Variants in OPCML observed in about 807,000 individuals in gnomAD.
OPCML encodes the protein opioid-binding protein/cell adhesion molecule.
Under a neutral mutation model 37.8 loss-of-function variants are expected in OPCML, and 13 were observed. The observed-to-expected ratio is 0.34, with a 90% CI of 0.22 to 0.55. OPCML has a LOEUF of 0.55. OPCML is among the 20% of genes least tolerant of loss of function. The pLI, the probability that OPCML is intolerant of heterozygous loss-of-function variation, is 0.91. For missense variants in OPCML, 341 were observed against 435.6 expected, an observed-to-expected ratio of 0.78 and a Z score of 1.93; for synonymous variants, 176 against 168.8, an observed-to-expected ratio of 1.04 and a Z score of -0.33.
intron 1 of OPCML, among the ~76,000 whole-genome samples, chr11:132,990,049 G>C (rs1378595825): frequency 6.6e-6 from 1 of 152,220 alleles, no homozygotes; most frequent in Non-Finnish European, 1.5e-5. Flanking sequence ...AGGCAGAGGA[G>C]CATGCCACCC....
intron 1 of OPCML, chr11:133,422,101 A>C: frequency 1.0e-6 from 1 of 977,378 alleles, no homozygotes; most frequent in Non-Finnish European, 1.2e-6. Flanking sequence ...GTTTCTCCTA[A>C]TGCTATCCCT....
At chr11:133,423,316 C>T (rs1945931857) in intron 1 of OPCML, 3 of 985,212 alleles carry the variant, frequency 3.0e-6, no homozygotes, top group Non-Finnish European at 3.6e-6. Flanking sequence ...GAGGGATTTC[C>T]ACCTGACAAT....
chr11:133,227,715 G>A (rs1940096800), intron 1 of OPCML, among the ~76,000 whole-genome samples: 1 of 152,158 alleles, frequency 6.6e-6, no homozygotes, highest in African/African-American at 2.4e-5. Context: ...TGGCCCTCCA[G>A]GGTGAAGGGC....
At chr11:132,446,224 T>C (rs946282860) in intron 4 of OPCML, among the ~76,000 whole-genome samples, 1 of 147,588 alleles carries the variant, frequency 6.8e-6, no homozygotes, top group Non-Finnish European at 1.5e-5. Context: ...TCTGAGTGAG[T>C]GTCACAGAAA....
At chr11:132,493,202 G>A (rs2096221444) in intron 4 of OPCML, among the ~76,000 whole-genome samples, 1 of 152,204 alleles carries the variant, frequency 6.6e-6, no homozygotes, top group Non-Finnish European at 1.5e-5. Flanking sequence ...CACTTTTGCT[G>A]TAGAACTACG....
chr11:132,587,029 C>T (rs2096474274), intron 3 of OPCML, among the ~76,000 whole-genome samples: 1 of 152,152 alleles, frequency 6.6e-6, no homozygotes, highest in African/African-American at 2.4e-5. Context: ...AAGTTGGCAG[C>T]CTTTGTTGAC....
chr11:133,026,243 C>T (rs188910086), intron 1 of OPCML: 57 of 635,510 alleles, frequency 9.0e-5, no homozygotes, highest in East Asian at 2.8e-4. Flanking sequence ...TACAGAGTTC[C>T]GCCTCTTTGC....
At chr11:133,525,026 G>A (rs60130874) in intron 1 of OPCML, among the ~76,000 whole-genome samples, 2,600 of 152,308 alleles carry the variant, frequency 0.017, 80 homozygotes, top group African/African-American at 0.059. Context: ...TAGGCACTGA[G>A]AACATATTGG....
chr11:133,099,442 CTTTTT>C (rs35161811), intron 1 of OPCML, among the ~76,000 whole-genome samples: 1 of 119,484 alleles, frequency 8.4e-6, no homozygotes, highest in Non-Finnish European at 1.7e-5. Context: ...TTCTTTTTTT[CTTTTT>C]TTTTTTTTTT....
chr11:132,903,797 C>A (rs1459987058), intron 2 of OPCML, among the ~76,000 whole-genome samples: 2 of 152,190 alleles, frequency 1.3e-5, no homozygotes, highest in East Asian at 3.9e-4. Flanking sequence ...CCTTTCCCCT[C>A]ACTGCTATTC....
At chr11:133,217,455 C>A (rs942533054) in intron 1 of OPCML, among the ~76,000 whole-genome samples, 2 of 152,190 alleles carry the variant, frequency 1.3e-5, no homozygotes, top group African/African-American at 4.8e-5. Context: ...CACAGTGGGG[C>A]ACCCACGGTG....
At chr11:132,857,836 C>T (rs944883492) in intron 2 of OPCML, among the ~76,000 whole-genome samples, 1 of 151,966 alleles carries the variant, frequency 6.6e-6, no homozygotes, top group Non-Finnish European at 1.5e-5. Flanking sequence ...GCTGCATATC[C>T]CTCATGAACA....
chr11:133,396,369 C>G (rs1565612201), intron 1 of OPCML, among the ~76,000 whole-genome samples: 1 of 151,828 alleles, frequency 6.6e-6, no homozygotes, highest in African/African-American at 2.4e-5. Flanking sequence ...ATTTGAATGC[C>G]CTTTATTTTT....
intron 1 of OPCML, among the ~76,000 whole-genome samples, chr11:133,258,042 G>T (rs1255262689): frequency 6.6e-6 from 1 of 152,122 alleles, no homozygotes; most frequent in Non-Finnish European, 1.5e-5. Flanking sequence ...AGAATTTCAG[G>T]TGGCTCAGCA....
At chr11:132,504,870 C>T (rs1276080582) in intron 4 of OPCML, among the ~76,000 whole-genome samples, 1 of 151,976 alleles carries the variant, frequency 6.6e-6, no homozygotes, top group East Asian at 1.9e-4. Context: ...GAGGCGGGGT[C>T]ACTGAGGTCC....
At chr11:133,036,969 A>G (rs1947794536) in intron 1 of OPCML, among the ~76,000 whole-genome samples, 1 of 152,090 alleles carries the variant, frequency 6.6e-6, no homozygotes, top group Non-Finnish European at 1.5e-5. Context: ...CTCCAAGACC[A>G]TGACCTTGGT....
At chr11:133,073,052 A>T (rs1230281424) in intron 1 of OPCML, among the ~76,000 whole-genome samples, 1 of 152,214 alleles carries the variant, frequency 6.6e-6, no homozygotes, top group East Asian at 1.9e-4. Flanking sequence ...CTGAGGTTCA[A>T]GTGAGGCTCA....
chr11:132,943,069 G>T lies in OPCML; in HGVS notation c.62-59C>A, dbSNP rs749843688. ...CGACCACGAGGCACTTCCAGGGCAG[G>T]AACAGGTACCCACAGACCCCCATTC... On this transcript the variant is annotated intron_variant, in intron 1 of 7. Transcript: ENST00000524381. The surrounding 1 kb of genome is among the most constrained non-coding windows in gnomAD (Gnocchi z 4.3). The T allele has an allele frequency of 2.5e-6, 4 of 1,614,112 alleles. No homozygotes were observed. The African/African-American group carries it at 4.0e-5, about 16-fold the overall frequency.
intron 1 of OPCML, among the ~76,000 whole-genome samples, chr11:133,312,717 T>C (rs1343556779): frequency 6.6e-6 from 1 of 152,222 alleles, no homozygotes; most frequent in African/African-American, 2.4e-5. Context: ...GTTCACCACC[T>C]GCTTAGCTAA....
Sources: allele counts gnomAD v4.1 joint callset (sites outside exome capture counted in the v4.1 genomes callset), GRCh38; gene constraint gnomAD v4.1.1; non-coding constraint Gnocchi (gnomAD v3.1); transcripts MANE v1.5; gene names NCBI Gene and HGNC (gene_info 2026-07-23, HGNC 2026-07-21).